The following AGBL1 variants were observed in gnomAD, a reference collection of about 807,000 sequenced individuals.
AGBL1 encodes cytosolic carboxypeptidase 4.
In AGBL1, 130 loss-of-function variants were observed where a neutral mutation model predicts 118.9. That is an observed-to-expected ratio of 1.09 (90% CI 0.95 to 1.26). The LOEUF (loss-of-function observed/expected upper bound fraction) is 1.26. AGBL1 is among the 50% of genes most tolerant of loss of function. AGBL1 has a pLI of 0.00. For missense variants in AGBL1, 1,584 were observed against 1,298.1 expected, an observed-to-expected ratio of 1.22 and a Z score of -3.38; for synonymous variants, 555 against 478.9, an observed-to-expected ratio of 1.16 and a Z score of -2.08.
At chr15:86,692,388 A>G (rs2086187966) in intron 22 of AGBL1, among the ~76,000 whole-genome samples, 1 of 151,924 alleles carries the variant, frequency 6.6e-6, no homozygotes, top group Non-Finnish European at 1.5e-5. Context: ...CAGAAGTGGG[A>G]AGTTAGTATC....
chr15:86,745,588 G>A (rs1335821913), intron 22 of AGBL1, among the ~76,000 whole-genome samples: 1 of 151,902 alleles, frequency 6.6e-6, no homozygotes, highest in Non-Finnish European at 1.5e-5. Flanking sequence ...TGAGGGCCTG[G>A]CATTTTCAAA....
chr15:86,959,535 A>G (rs2080970186), intron 23 of AGBL1, among the ~76,000 whole-genome samples: 1 of 149,382 alleles, frequency 6.7e-6, no homozygotes, highest in Non-Finnish European at 1.5e-5. Flanking sequence ...GATCATCATT[A>G]CAACACACAC....
At chr15:86,839,060 C>CA (rs1216312133) in intron 22 of AGBL1, among the ~76,000 whole-genome samples, 6 of 150,712 alleles carry the variant, frequency 4.0e-5, no homozygotes, top group Non-Finnish European at 8.8e-5. Context: ...TATGAGAAGC[C>CA]ATATTATAAT....
At chr15:86,227,217 C>T (rs1438033685) in intron 6 of AGBL1, among the ~76,000 whole-genome samples, 2 of 152,228 alleles carry the variant, frequency 1.3e-5, no homozygotes, top group Non-Finnish European at 1.5e-5. Flanking sequence ...TGGTGGAGAA[C>T]TGCAATAGCT....
intron 21 of AGBL1, among the ~76,000 whole-genome samples, chr15:86,657,467 A>C (rs1567107170): frequency 6.6e-6 from 1 of 152,206 alleles, no homozygotes; most frequent in South Asian, 2.1e-4. Flanking sequence ...TATTAGATGC[A>C]GAAAATACTC....
chr15:86,862,439 G>T (rs2079571316), intron 22 of AGBL1, among the ~76,000 whole-genome samples: 1 of 152,148 alleles, frequency 6.6e-6, no homozygotes, highest in Non-Finnish European at 1.5e-5. Flanking sequence ...GTTCTTTTCA[G>T]CCAGGCATGG....
chr15:86,154,382 C>T (rs959056012), intron 3 of AGBL1, 48 bp from the exon 4 acceptor site: 1 of 1,591,472 alleles, frequency 6.3e-7, no homozygotes, highest in Non-Finnish European at 8.6e-7. Flanking sequence ...TTGTACAATC[C>T]AGAATCAATG....
intron 23 of AGBL1, among the ~76,000 whole-genome samples, chr15:86,949,774 C>T (rs543003905): frequency 5.5e-4 from 83 of 152,080 alleles, no homozygotes; most frequent in Non-Finnish European, 8.8e-4. Context: ...TAGACAAACT[C>T]GCAATTACAG....
intron 21 of AGBL1, among the ~76,000 whole-genome samples, chr15:86,629,686 C>A (rs2084936379): frequency 6.6e-6 from 1 of 152,126 alleles, no homozygotes; most frequent in South Asian, 2.1e-4. Context: ...GTACTGGCTT[C>A]TTGGCTCATT....
At chr15:86,883,601 C>G (rs959418248) in intron 22 of AGBL1, among the ~76,000 whole-genome samples, 4 of 152,182 alleles carry the variant, frequency 2.6e-5, no homozygotes, top group African/African-American at 7.2e-5. Flanking sequence ...TCACCAAACT[C>G]TACCGTAATT....
intron 22 of AGBL1, among the ~76,000 whole-genome samples, chr15:86,811,464 A>C (rs1255400356): frequency 6.6e-6 from 1 of 152,152 alleles, no homozygotes; most frequent in Non-Finnish European, 1.5e-5. Context: ...TGCTCTTTTA[A>C]TTAAAAGTAA....
chr15:86,546,441 GATT>G (rs1345666978), intron 20 of AGBL1, among the ~76,000 whole-genome samples: 3 of 151,980 alleles, frequency 2.0e-5, no homozygotes, highest in Non-Finnish European at 2.9e-5. Context: ...ACAATTATTC[GATT>G]ATTAACTGTG....
At chr15:86,217,844 A>AT (rs34911181) in intron 5 of AGBL1, among the ~76,000 whole-genome samples, 1 of 152,008 alleles carries the variant, frequency 6.6e-6, no homozygotes, top group Non-Finnish European at 1.5e-5. Context: ...TCAGATTTGG[A>AT]TTTTTTATCC....
At chr15:86,662,158 G>A (rs1397131548) in intron 21 of AGBL1, among the ~76,000 whole-genome samples, 1 of 152,204 alleles carries the variant, frequency 6.6e-6, no homozygotes, top group Non-Finnish European at 1.5e-5. Context: ...GCAAAGATGA[G>A]TGGCATTTAT....
At chr15:86,760,238 A>T (rs1290083771) in intron 22 of AGBL1, among the ~76,000 whole-genome samples, 1 of 152,004 alleles carries the variant, frequency 6.6e-6, no homozygotes, top group Non-Finnish European at 1.5e-5. Context: ...CTACCTCATG[A>T]CTAAATTGTT....
intron 21 of AGBL1, among the ~76,000 whole-genome samples, chr15:86,666,064 C>G (rs2085638725): frequency 6.6e-6 from 1 of 152,066 alleles, no homozygotes; most frequent in Non-Finnish European, 1.5e-5. Flanking sequence ...GCCATGTATT[C>G]TTCCAGAGGG....
intron 5 of AGBL1, among the ~76,000 whole-genome samples, chr15:86,164,517 T>G (rs2077310460): frequency 6.6e-6 from 1 of 152,200 alleles, no homozygotes; most frequent in Non-Finnish European, 1.5e-5. Context: ...GTGCCGTCAT[T>G]CCCAGGATGG....
At chr15:87,013,369 A>G (rs2141785935) in intron 24 of AGBL1, among the ~76,000 whole-genome samples, 1 of 152,288 alleles carries the variant, frequency 6.6e-6, no homozygotes, top group African/African-American at 2.4e-5. Context: ...TGGGGCTTTA[A>G]GGAGCTTTAA....
At chr15:86,949,987 A>G (rs1023847800) in intron 23 of AGBL1, among the ~76,000 whole-genome samples, 1 of 152,118 alleles carries the variant, frequency 6.6e-6, no homozygotes, top group Non-Finnish European at 1.5e-5. Context: ...CTATAAATCA[A>G]TAACAAAAAG....
Sources: gnomAD v4.1 joint callset for allele counts (sites outside exome capture counted in the v4.1 genomes callset) on GRCh38, gnomAD v4.1.1 for gene constraint, MANE v1.5 for transcripts, NCBI Gene and HGNC (gene_info 2026-07-23, HGNC 2026-07-21) for gene names.